Variants in ZNF519 observed in about 807,000 individuals in gnomAD.
ZNF519 encodes zinc finger protein 519.
In ZNF519, 7 loss-of-function variants were observed where a neutral mutation model predicts 7.4. That is an observed-to-expected ratio of 0.94 (90% CI 0.54 to 1.77). The LOEUF (loss-of-function observed/expected upper bound fraction) is 1.77. Among genes scored for constraint, ZNF519 ranks in the 40% most tolerant of loss-of-function variants. The pLI, the probability that ZNF519 is intolerant of heterozygous loss-of-function variation, is 0.00. For synonymous variants in ZNF519, 179 were observed against 203.3 expected, an observed-to-expected ratio of 0.88 and a Z score of 1.02; for missense variants, 586 against 623.1, an observed-to-expected ratio of 0.94 and a Z score of 0.63.
Position 14,085,402 on chromosome 18 carries a change from G to T in ZNF519, c.131-326C>A, listed in dbSNP as rs138042722. Among the ~76,000 whole-genome samples, 39 of 152,154 alleles carry T rather than the reference G, an allele frequency of 2.6e-4. 2 individuals are homozygous for T. The highest frequency in any genetic ancestry group is 3.4e-3 in the Middle Eastern group (1 of 294). ...AATCACTTCTAGGAAAATCAGAAGGGTGATTTTTTTGGAAAAAAAATTTTT... is the reference window on the plus strand; with the variant it reads ...AATCACTTCTAGGAAAATCAGAAGGTTGATTTTTTTGGAAAAAAAATTTTT... On this transcript the variant is annotated intron_variant and NMD_transcript_variant, in intron 2 of 4. Transcript: ENST00000587419.
At chr18:14,111,669 A>G (rs1219469405) in intron 2 of ZNF519, among the ~76,000 whole-genome samples, 1 of 152,178 alleles carries the variant, frequency 6.6e-6, no homozygotes, top group Non-Finnish European at 1.5e-5. Context: ...GATGCCATAA[A>G]TTGGAAAATC....
intron 2 of ZNF519, among the ~76,000 whole-genome samples, chr18:14,112,436 A>C (rs1217877313): frequency 6.6e-6 from 1 of 152,188 alleles, no homozygotes; most frequent in Non-Finnish European, 1.5e-5. Flanking sequence ...CTGTTATTTC[A>C]ACATATGGCA....
In ZNF519 at chr18:14,105,732, G is replaced by C. The variant is rs537188224; in HGVS notation, c.808C>G (p.Arg270Gly). The change falls in exon 3 of 3, where the codon CGT becomes GGT. Residue 270 changes from arginine to glycine, a missense_variant. Transcript: ENST00000590202. The part of the protein sequence containing the change: ...TGEKSVKYKE[R>G]GKAFTRGLHL... ...AAGCCCCTGGTAAAAGCTTTGCCACGTTCTTTATATTTCACTGATTTTTCT... is the reference window on the plus strand; with the variant it reads ...AAGCCCCTGGTAAAAGCTTTGCCACCTTCTTTATATTTCACTGATTTTTCT... 6.2e-7 allele frequency: 1 copy of C among 1,613,642 alleles called. No homozygotes were observed. The highest frequency in any genetic ancestry group is 1.3e-5 in the African/African-American group (1 of 74,864).
intron 2 of ZNF519, among the ~76,000 whole-genome samples, chr18:14,107,935 TA>T (rs1383224785): frequency 2.0e-5 from 3 of 152,060 alleles, no homozygotes; most frequent in Admixed American, 2.0e-4. Flanking sequence ...AGTAGACTCC[TA>T]AGGTTATTGA....
At chr18:14,124,747 T>A (rs1011687234) in intron 1 of ZNF519, among the ~76,000 whole-genome samples, 3 of 151,908 alleles carry the variant, frequency 2.0e-5, no homozygotes, top group Non-Finnish European at 4.4e-5. Flanking sequence ...GAACAACGGG[T>A]GAACTCACCT....
At chr18:14,085,792 C>A (rs1191875038) in intron 2 of ZNF519, among the ~76,000 whole-genome samples, 5 of 152,128 alleles carry the variant, frequency 3.3e-5, no homozygotes, top group African/African-American at 1.2e-4. Flanking sequence ...AGCCACTGAC[C>A]CCAGGCCAAA....
At chr18:14,086,225 G>A (rs775263041) in intron 2 of ZNF519, among the ~76,000 whole-genome samples, 36 of 152,198 alleles carry the variant, frequency 2.4e-4, no homozygotes, top group Non-Finnish European at 4.4e-4. Flanking sequence ...ACCCAGGCTG[G>A]TCCCTGTGGA....
In ZNF519 at chr18:14,105,877, G is replaced by C. The variant is rs1490360060; in HGVS notation, c.663C>G (p.Phe221Leu). 2 of 1,603,990 alleles carry C rather than the reference G, an allele frequency of 1.2e-6. No homozygotes were observed. Among genetic ancestry groups the C allele is most frequent in the African/African-American group, 2.7e-5 (2 of 74,096 alleles). Reference sequence around the variant, plus strand: ...TTCTTTGATGTTGAGTAAGCTTTGAGAATGGGTCAGAAGTTTCACCACATT... The same window carrying C: ...TTCTTTGATGTTGAGTAAGCTTTGACAATGGGTCAGAAGTTTCACCACATT... ...SNECGETSDPFSKLTQHQRIY... is the reference protein window; with the variant it reads ...SNECGETSDPLSKLTQHQRIY... The change falls in exon 3 of 3, where the codon TTC (phenylalanine) becomes TTG (leucine). Residue 221 changes from phenylalanine to leucine, a missense_variant. Transcript: ENST00000590202.
At chr18:14,108,499 T>C (rs569331828) in intron 2 of ZNF519, among the ~76,000 whole-genome samples, 3 of 152,000 alleles carry the variant, frequency 2.0e-5, no homozygotes, top group African/African-American at 7.2e-5. Context: ...TTGCTGTTGA[T>C]AGCAAGACAA....
At position 14,104,780 on chromosome 18, in the gene ZNF519, T is replaced by C. The variant is rs2046179238; in HGVS notation, c.*137A>G. 7 of 1,019,070 alleles carry C rather than the reference T, an allele frequency of 6.9e-6. No individual in the cohort carries two copies. The highest frequency in any genetic ancestry group is 8.1e-6 in the Non-Finnish European group (6 of 742,270). 63.1% of individuals were successfully genotyped at this position (1,019,070 alleles called of 1,614,324 possible). On this transcript the variant is annotated 3_prime_UTR_variant, in exon 3 of 3. Transcript: ENST00000590202. Reference sequence around the variant, plus strand: ...TTCTTTCTAAAGTGACACTTCTAATTTTTATTTAATCTTCATTTTGATGTT... The same window carrying C: ...TTCTTTCTAAAGTGACACTTCTAATCTTTATTTAATCTTCATTTTGATGTT...
downstream of ZNF519, among the ~76,000 whole-genome samples, chr18:14,098,398 G>A (rs931618730): frequency 3.9e-5 from 6 of 152,058 alleles, no homozygotes; most frequent in East Asian, 1.9e-4. Flanking sequence ...GGCCTCAAGA[G>A]ATTCACCTGC....
chr18:14,071,328 G>C (rs939595885), downstream of ZNF519: 2 of 151,832 alleles, frequency 1.3e-5, no homozygotes, highest in Admixed American at 6.6e-5. Flanking sequence ...AATTACAGAG[G>C]GTTGTTCAAA....
chr18:14,120,360 A>G (rs1484053317), intron 2 of ZNF519, among the ~76,000 whole-genome samples: 1 of 152,166 alleles, frequency 6.6e-6, no homozygotes, highest in African/African-American at 2.4e-5. Flanking sequence ...AAAGAATATA[A>G]TTAGATTATT....
At chr18:14,117,781 G>T (rs1165339675) in intron 2 of ZNF519, among the ~76,000 whole-genome samples, 1 of 152,008 alleles carries the variant, frequency 6.6e-6, no homozygotes, top group African/African-American at 2.4e-5. Flanking sequence ...GTGAGGGTGG[G>T]GGTGCCACAT....
At chr18:14,083,436 TC>T (rs1477291244) in intron 3 of ZNF519, among the ~76,000 whole-genome samples, 1 of 152,314 alleles carries the variant, frequency 6.6e-6, no homozygotes. Context: ...GAACAAGGTT[TC>T]CACGGGATGG....
chr18:14,124,130 G>A lies in ZNF519; in HGVS notation c.130+220C>T, dbSNP rs191917787. On this transcript the variant is annotated intron_variant, in intron 2 of 2. Coordinates refer to ENST00000590202, the MANE Select transcript of ZNF519 (RefSeq NM_145287.4). ...GGAGGTTGCAGTGAGCCAAGATCGCGCCATTGCACTCCAGCCTGGGTAACA... is the reference window on the plus strand; with the variant it reads ...GGAGGTTGCAGTGAGCCAAGATCGCACCATTGCACTCCAGCCTGGGTAACA... The A allele has an allele frequency of 4.3e-3, 1,178 of 271,234 alleles. 13 individuals are homozygous for A. The highest frequency in any genetic ancestry group is 0.024 in the African/African-American group (1,023 of 42,824). The allele number at this position is 271,234 out of a possible 1,614,324, so 16.8% of individuals were successfully genotyped here.
chr18:14,094,731 GTTTT>G (rs1244177208), intron 2 of ZNF519, among the ~76,000 whole-genome samples: 1 of 152,062 alleles, frequency 6.6e-6, no homozygotes, highest in South Asian at 2.1e-4. Context: ...TTGGCCTATA[GTTTT>G]TTTGTTTCTG....
chr18:14,126,922 G>A (rs927893878), intron 1 of ZNF519, among the ~76,000 whole-genome samples: 5 of 152,144 alleles, frequency 3.3e-5, no homozygotes, highest in East Asian at 3.8e-4. Context: ...ATGGGCTGAC[G>A]CCTCCATAAT....
downstream of ZNF519, among the ~76,000 whole-genome samples, chr18:14,097,055 CT>C (rs2143108162): frequency 6.6e-6 from 1 of 152,264 alleles, no homozygotes; most frequent in South Asian, 2.1e-4. Context: ...TTCCAACCAC[CT>C]TCTCCATCAA....
Sources: allele counts gnomAD v4.1 joint callset (sites outside exome capture counted in the v4.1 genomes callset), GRCh38; gene constraint gnomAD v4.1.1; transcripts MANE v1.5; gene names NCBI Gene and HGNC (gene_info 2026-07-23, HGNC 2026-07-21).